The following SLC28A3 variants were observed in gnomAD, a reference collection of about 807,000 sequenced individuals.
SLC28A3 encodes solute carrier family 28 member 3, also known as concentrative Na(+)-nucleoside cotransporter 3.
Under a neutral mutation model 84.2 loss-of-function variants are expected in SLC28A3, and 68 were observed. The observed-to-expected ratio is 0.81, with a 90% CI of 0.66 to 0.99. The LOEUF is 0.99. Ranked by LOEUF, SLC28A3 falls within the 50% of genes least tolerant of loss-of-function variation. The pLI is 0.00. For synonymous variants in SLC28A3, 267 were observed against 303.6 expected (o/e 0.88, Z 1.25); for missense variants, 712 against 841.5 (o/e 0.85, Z 1.90).
At chr9:84,313,802 G>C (rs999723131) in intron 1 of SLC28A3, among the ~76,000 whole-genome samples, 3 of 150,310 alleles carry the variant, frequency 2.0e-5, no homozygotes, top group Non-Finnish European at 4.4e-5. Context: ...TAGGAGAATT[G>C]CTTGAGCCCC....
At chr9:84,361,359 A>G in the SLC28A3 span, among the ~76,000 whole-genome samples, 1 of 152,236 alleles carries the variant, frequency 6.6e-6, no homozygotes, top group African/African-American at 2.4e-5. Flanking sequence ...AAGGTTAAAC[A>G]TGCAAATAGG....
Position 84,278,173 on chromosome 9 carries a change from A to AT in SLC28A3, c.*44dup. The AT allele has an allele frequency of 6.4e-7, 1 of 1,571,924 alleles. No homozygotes were observed. The highest frequency in any genetic ancestry group is 8.6e-7 in the Non-Finnish European group (1 of 1,158,758). On this transcript the variant is annotated 3_prime_UTR_variant, in exon 18 of 18. Transcript: ENST00000376238. ...TTTTTTTTTCTTTCCAAAGCAGAAA[A>AT]TTCAGCATCTGTACTTCAGAGTTCC...
At chr9:84,286,429 G>A (rs1293030484) in intron 12 of SLC28A3, among the ~76,000 whole-genome samples, 1 of 143,002 alleles carries the variant, frequency 7.0e-6, no homozygotes, top group African/African-American at 2.6e-5. Context: ...AATAGCATGT[G>A]TGCCACCATG....
intron 6 of SLC28A3, among the ~76,000 whole-genome samples, chr9:84,298,734 C>T (rs563528435): frequency 1.3e-5 from 2 of 152,280 alleles, no homozygotes; most frequent in East Asian, 1.9e-4. Flanking sequence ...TTTCTCTGTG[C>T]GTCCAAGGTT....
At chr9:84,304,049 A>G (rs917094742) in intron 4 of SLC28A3, among the ~76,000 whole-genome samples, 2 of 152,120 alleles carry the variant, frequency 1.3e-5, no homozygotes, top group African/African-American at 4.8e-5. Flanking sequence ...ACCCTTTATG[A>G]CTTTCCTTTC....
At chr9:84,366,368 G>A in the SLC28A3 span, among the ~76,000 whole-genome samples, 3 of 152,092 alleles carry the variant, frequency 2.0e-5, no homozygotes, top group African/African-American at 7.2e-5. Context: ...AAATATCTCT[G>A]TTTCTCCAGG....
At chr9:84,294,588 A>G (rs555239972) in intron 8 of SLC28A3, among the ~76,000 whole-genome samples, 2 of 152,136 alleles carry the variant, frequency 1.3e-5, no homozygotes, top group Admixed American at 6.5e-5. Context: ...TCCTGGTGCT[A>G]AAAAGACATG....
chr9:84,328,863 G>A (rs7856115), intron 1 of SLC28A3, among the ~76,000 whole-genome samples: 1,790 of 152,268 alleles, frequency 0.012, 31 homozygotes, highest in African/African-American at 0.041. Context: ...CAGAGGTTGA[G>A]GGTTCAGTGA....
intron 1 of SLC28A3, among the ~76,000 whole-genome samples, chr9:84,323,328 C>A (rs1026579233): frequency 6.6e-6 from 1 of 152,136 alleles, no homozygotes; most frequent in African/African-American, 2.4e-5. Context: ...AGATGAGTTG[C>A]CTAAATGGTG....
Position 84,285,552 on chromosome 9 carries a change from C to G in SLC28A3, c.1450-10G>C. The G allele has an allele frequency of 6.2e-7, 1 of 1,613,994 alleles. No homozygotes were observed. The highest frequency in any genetic ancestry group is 1.1e-5 in the South Asian group (1 of 91,084). ...TGTAGGAGCAGATTAGCTACAGAAA[C>G]CAAAAGTAGACACTTGATTAGAATA... On this transcript the variant is annotated splice_polypyrimidine_tract_variant and intron_variant, in intron 13 of 17. Coordinates refer to ENST00000376238, the MANE Select transcript of SLC28A3 (RefSeq NM_001199633.2).
upstream of SLC28A3, among the ~76,000 whole-genome samples, chr9:84,343,238 AG>A (rs1312561968): frequency 1.1e-4 from 16 of 152,082 alleles, no homozygotes; most frequent in African/African-American, 3.6e-4. Context: ...CCCCGGGCAC[AG>A]GGTTGAGTGG....
At chr9:84,290,303 G>T in intron 10 of SLC28A3, 24 bp from the exon 11 acceptor site, 1 of 1,612,508 alleles carries the variant, frequency 6.2e-7, no homozygotes, top group Non-Finnish European at 8.5e-7. Context: ...AGGGTGACCA[G>T]ATTCCTTTTT....
chr9:84,293,043 G>A (rs1344001515), intron 9 of SLC28A3, among the ~76,000 whole-genome samples: 1 of 152,198 alleles, frequency 6.6e-6, no homozygotes, highest in African/African-American at 2.4e-5. Context: ...ACATGCTTAT[G>A]GAAGGCTTTA....
chr9:84,321,733 C>CAAAAA (rs10707383), intron 1 of SLC28A3, among the ~76,000 whole-genome samples: 3 of 65,102 alleles, frequency 4.6e-5, no homozygotes, highest in Non-Finnish European at 6.2e-5. Context: ...GACTCCGTCT[C>CAAAAA]AAAAAAAAAA....
chr9:84,333,840 G>A (rs1826873744), intron 1 of SLC28A3, among the ~76,000 whole-genome samples: 1 of 152,180 alleles, frequency 6.6e-6, no homozygotes, highest in South Asian at 2.1e-4. Context: ...CCCTGGCATG[G>A]ATAACAGTGT....
chr9:84,337,495 T>C (rs1419736914), intron 1 of SLC28A3, among the ~76,000 whole-genome samples: 2 of 152,128 alleles, frequency 1.3e-5, no homozygotes, highest in Admixed American at 1.3e-4. Context: ...CACGTGTGTG[T>C]GTGTACTTTG....
chr9:84,301,867 T>C (rs1252376820), intron 5 of SLC28A3, among the ~76,000 whole-genome samples: 6 of 152,186 alleles, frequency 3.9e-5, no homozygotes, highest in African/African-American at 1.4e-4. Context: ...TTCTAACTAC[T>C]TCCTAATACG....
chr9:84,294,523 G>A (rs113333203), intron 8 of SLC28A3, among the ~76,000 whole-genome samples: 17 of 152,266 alleles, frequency 1.1e-4, no homozygotes, highest in African/African-American at 3.4e-4. Flanking sequence ...ATGAAGTTTG[G>A]GGGGATTTGT....
At chr9:84,310,696 A>G (rs555472424) in intron 2 of SLC28A3, 1 of 692,994 alleles carries the variant, frequency 1.4e-6, no homozygotes, top group African/African-American at 1.9e-5. Flanking sequence ...TCTGATTCAG[A>G]TTACCTTCAT....
Sources: allele counts gnomAD v4.1 joint callset (sites outside exome capture counted in the v4.1 genomes callset), GRCh38; gene constraint gnomAD v4.1.1; transcripts MANE v1.5; gene names NCBI Gene and HGNC (gene_info 2026-07-23, HGNC 2026-07-21).